The following ZNF573 variants were observed in gnomAD, a reference collection of about 807,000 sequenced individuals.
The protein encoded by ZNF573 is zinc finger protein 573.
Under a neutral mutation model 57.4 loss-of-function variants are expected in ZNF573, and 41 were observed. The ratio of observed to expected loss-of-function variants is 0.71; its 90% CI spans 0.56 to 0.93. The LOEUF (loss-of-function observed/expected upper bound fraction) is 0.93, where lower values mean the gene tolerates loss of function less well. Among genes scored for constraint, ZNF573 ranks in the 40% least tolerant of loss-of-function variants. The probability of loss-of-function intolerance (pLI) is 0.00; values close to 1 mark genes in which losing one functional copy is unlikely to be tolerated. For synonymous variants in ZNF573, 249 were observed against 261.0 expected (o/e 0.95, Z 0.44); for missense variants, 730 against 794.8 (o/e 0.92, Z 0.98).
chr19:37,754,793 GC>G (rs1035206820), intron 4 of ZNF573, among the ~76,000 whole-genome samples: 1 of 151,420 alleles, frequency 6.6e-6, no homozygotes, highest in African/African-American at 2.4e-5. Flanking sequence ...AGACCAAATG[GC>G]ACTCCATAAT....
intron 4 of ZNF573, among the ~76,000 whole-genome samples, chr19:37,748,880 TAG>T (rs1307300280): frequency 1.6e-5 from 2 of 126,840 alleles, no homozygotes; most frequent in Admixed American, 2.1e-4. Context: ...TGAGCCGAGA[TAG>T]CACCACTGCA....
chr19:37,740,728 T>C, intron 4 of ZNF573: 1 of 387,724 alleles, frequency 2.6e-6, no homozygotes, highest in South Asian at 1.9e-5. Context: ...ATAGTACAAT[T>C]GCCCCTTGGT....
At chr19:37,761,268 G>A (rs545410626) in intron 4 of ZNF573, among the ~76,000 whole-genome samples, 3 of 152,230 alleles carry the variant, frequency 2.0e-5, no homozygotes, top group African/African-American at 7.2e-5. Context: ...GGGGATCAGG[G>A]GGTGTAAAAG....
At chr19:37,748,910 G>C (rs899419127) in intron 4 of ZNF573, among the ~76,000 whole-genome samples, 4 of 114,704 alleles carry the variant, frequency 3.5e-5, no homozygotes, top group Admixed American at 1.3e-4. Context: ...CTGGGCGACA[G>C]AGCAAGACTT....
intron 2 of ZNF573, chr19:37,772,995 A>T: frequency 7.1e-6 from 7 of 981,156 alleles, no homozygotes; most frequent in Non-Finnish European, 8.5e-6. Flanking sequence ...GGAAATCAAC[A>T]TATTTACTCC....
rs376373105 is a variant in ZNF573, at chr19:37,765,324, A to C, written c.295+4681T>G. Among the ~76,000 whole-genome samples, 33 of 152,382 alleles carry C rather than the reference A, an allele frequency of 2.2e-4. No homozygotes were observed. The South Asian group carries it at 6.2e-3, about 29-fold the overall frequency. On this transcript the variant is annotated intron_variant, in intron 4 of 4. Coordinates refer to ENST00000536220, the MANE Select transcript of ZNF573 (RefSeq NM_001172690.2). Reference sequence around the variant, plus strand: ...CCACTAAAAGAACCCAATAGTTCACAAACTTATGGCTGACTAAAGGCTTGG... The same window carrying C: ...CCACTAAAAGAACCCAATAGTTCACCAACTTATGGCTGACTAAAGGCTTGG...
intron 1 of ZNF573, among the ~76,000 whole-genome samples, chr19:37,774,905 C>T (rs1346298749): frequency 6.6e-6 from 1 of 151,852 alleles, no homozygotes; most frequent in African/African-American, 2.4e-5. Flanking sequence ...TTAAAAAATA[C>T]ATGTGTACAC....
chr19:37,753,224 T>G (rs777435842), intron 4 of ZNF573, among the ~76,000 whole-genome samples: 1 of 152,140 alleles, frequency 6.6e-6, no homozygotes, highest in African/African-American at 2.4e-5. Flanking sequence ...AATTTTATTA[T>G]TATTTTAATT....
At chr19:37,748,275 C>A (rs750737718) in intron 4 of ZNF573, among the ~76,000 whole-genome samples, 3 of 152,116 alleles carry the variant, frequency 2.0e-5, no homozygotes, top group Non-Finnish European at 4.4e-5. Context: ...GACAAACATA[C>A]TTTATGTAAG....
chr19:37,767,602 G>A (rs779672310), intron 4 of ZNF573, among the ~76,000 whole-genome samples: 18 of 152,074 alleles, frequency 1.2e-4, no homozygotes, highest in Non-Finnish European at 2.6e-4. Flanking sequence ...CTGGCTCTCT[G>A]AAATAAAGTT....
At chr19:37,754,793 G>A (rs963290021) in intron 4 of ZNF573, among the ~76,000 whole-genome samples, 12 of 151,420 alleles carry the variant, frequency 7.9e-5, no homozygotes, top group Non-Finnish European at 1.8e-4. Flanking sequence ...AGACCAAATG[G>A]CACTCCATAA....
chr19:37,740,362 G>C (rs1045510128), intron 4 of ZNF573, among the ~76,000 whole-genome samples, 168 bp from the exon 5 acceptor site: 2 of 152,218 alleles, frequency 1.3e-5, no homozygotes, highest in African/African-American at 4.8e-5. Context: ...AGACGTATGA[G>C]AGTTTACGTA....
intron 1 of ZNF573, among the ~76,000 whole-genome samples, chr19:37,775,187 A>T (rs56351266): frequency 0.29 from 43,785 of 151,524 alleles, 7,491 homozygotes; most frequent in Non-Finnish European, 0.39. Context: ...TGGCTAATTT[A>T]AAAAAATTTT....
In ZNF573 at chr19:37,739,154, C is replaced by T. The variant is rs2045295470; in HGVS notation, c.1336G>A (p.Glu446Lys). 6.2e-7 allele frequency: 1 copy of T among 1,613,166 alleles called. No individual in the cohort carries two copies. ...HTGMKHFECK[E>K]CKKTFTLYRN... is the part of the protein sequence containing the mutation. ...TACAAAGTAAAGGTTTTTTTACACT[C>T]CTTACATTCAAAGTGTTTCATGCCA... Residue 446 changes from glutamate to lysine, a missense_variant, in exon 5 of 5, where the codon GAG becomes AAG. Glu to Lys is a moderately conservative substitution (Grantham distance 56). Transcript: ENST00000536220.
intron 2 of ZNF573, among the ~76,000 whole-genome samples, chr19:37,773,239 C>T (rs550725671): frequency 3.9e-5 from 6 of 152,186 alleles, no homozygotes; most frequent in Non-Finnish European, 8.8e-5. Flanking sequence ...CATACTAAGA[C>T]AGACCAATTG....
intron 4 of ZNF573, among the ~76,000 whole-genome samples, chr19:37,764,545 TCTTGACCTCGTGATCTGCCCGC>T (rs1568422271): frequency 6.6e-6 from 1 of 151,600 alleles, no homozygotes; most frequent in Non-Finnish European, 1.5e-5. Flanking sequence ...GGTCTCGATC[TCTTGACCTCGTGATCTGCCCGC>T]CTTGGCCTCC....
chr19:37,741,227 A>G (rs2045324209), intron 4 of ZNF573, among the ~76,000 whole-genome samples: 1 of 151,976 alleles, frequency 6.6e-6, no homozygotes. Context: ...CTGTCTCTCT[A>G]TCTTTATCTG....
intron 4 of ZNF573, among the ~76,000 whole-genome samples, chr19:37,769,510 G>A (rs1457829368): frequency 2.0e-5 from 3 of 147,606 alleles, no homozygotes; most frequent in African/African-American, 2.5e-5. Context: ...GGCAGATCAC[G>A]AGGTCAGGAG....
chr19:37,770,832 TTATATATATATATATATATATATA>T lies in ZNF573; in HGVS notation c.202+708_202+731del, dbSNP rs58757674. 1.7e-4 allele frequency among the ~76,000 whole-genome samples: 16 copies of T among 93,728 alleles called. 1 individual carries two copies. The highest frequency in any genetic ancestry group is 7.8e-4 in the East Asian group (1 of 1,282). The allele number at this position is 93,728 out of a possible 152,430, so 61.5% of individuals were successfully genotyped here. A position where few individuals can be genotyped will look rare whatever the true frequency, so the allele number is the denominator to read the frequency against. On this transcript the variant is annotated intron_variant, in intron 3 of 4. Transcript: ENST00000536220. The stretch of plus-strand genomic sequence containing the variant: ...ACAGTTCTTTCAGGATTAAGTTATT[TTATATATATATATATATATATATA>T]TATATATATATATATATTCCCCCTC...
Sources: gnomAD v4.1 joint callset for allele counts (sites outside exome capture counted in the v4.1 genomes callset) on GRCh38, gnomAD v4.1.1 for gene constraint, MANE v1.5 for transcripts, NCBI Gene and HGNC (gene_info 2026-07-23, HGNC 2026-07-21) for gene names.